Variants in SCD5 observed in about 807,000 individuals in gnomAD.
SCD5 encodes the protein acyl-CoA-desaturase 4.
Under a neutral mutation model 30.4 loss-of-function variants are expected in SCD5, and 20 were observed. That is an observed-to-expected ratio of 0.66 (90% confidence interval 0.46 to 0.96). The LOEUF (loss-of-function observed/expected upper bound fraction) is 0.96, where lower values mean the gene tolerates loss of function less well. Among genes scored for constraint, SCD5 ranks in the 40% least tolerant of loss-of-function variants. The pLI is 0.00. For missense variants in SCD5, 381 were observed against 443.3 expected (o/e 0.86, Z 1.26); for synonymous variants, 173 against 176.4 (o/e 0.98, Z 0.16).
chr4:82,666,596 G>A (rs1225913337), intron 3 of SCD5, among the ~76,000 whole-genome samples: 1 of 152,068 alleles, frequency 6.6e-6, no homozygotes, highest in African/African-American at 2.4e-5. Context: ...AAGAGAACCA[G>A]GAATCGATAA....
chr4:82,733,313 G>C (rs1214752386), intron 1 of SCD5, among the ~76,000 whole-genome samples: 1 of 152,044 alleles, frequency 6.6e-6, no homozygotes, highest in Non-Finnish European at 1.5e-5. Flanking sequence ...AGCTAGCTCT[G>C]GTGCCCTGTT....
chr4:82,730,530 TCATGATCCGCC>T (rs1720614254), intron 1 of SCD5, among the ~76,000 whole-genome samples: 1 of 150,322 alleles, frequency 6.7e-6, no homozygotes, highest in Non-Finnish European at 1.5e-5. Context: ...TCTCCTGACA[TCATGATCCGCC>T]CACCTTGGCC....
chr4:82,746,213 A>C (rs896311496), intron 1 of SCD5, among the ~76,000 whole-genome samples: 13 of 152,224 alleles, frequency 8.5e-5, no homozygotes, highest in African/African-American at 2.9e-4. Context: ...TTCCATTATC[A>C]CTGAATTAGA....
At chr4:82,661,368 C>T (rs1268745592) in intron 3 of SCD5, among the ~76,000 whole-genome samples, 2 of 152,216 alleles carry the variant, frequency 1.3e-5, no homozygotes, top group Admixed American at 1.3e-4. Context: ...AAATTCATTA[C>T]TTACAACAAT....
chr4:82,642,888 C>A (rs1342499903), intron 3 of SCD5, among the ~76,000 whole-genome samples: 3 of 152,224 alleles, frequency 2.0e-5, no homozygotes, highest in African/African-American at 4.8e-5. Flanking sequence ...TCCTTTCTTT[C>A]TGGCTGGAAT....
At chr4:82,659,682 T>G in intron 3 of SCD5, among the ~76,000 whole-genome samples, 1 of 152,216 alleles carries the variant, frequency 6.6e-6, no homozygotes, top group East Asian at 1.9e-4. Context: ...TTGATTGCAC[T>G]GTGGTCTGAA....
chr4:82,659,637 G>A (rs1049187299), intron 3 of SCD5, among the ~76,000 whole-genome samples: 2 of 152,060 alleles, frequency 1.3e-5, no homozygotes, highest in Non-Finnish European at 1.5e-5. Flanking sequence ...GTGGTTGTGC[G>A]GTTTTGAGTG....
At chr4:82,747,430 C>A (rs925985057) in intron 1 of SCD5, among the ~76,000 whole-genome samples, 3 of 152,194 alleles carry the variant, frequency 2.0e-5, no homozygotes, top group Non-Finnish European at 4.4e-5. Flanking sequence ...CCCACTGCTA[C>A]AAAGGTTTTA....
chr4:82,724,277 C>T (rs1367191935), intron 1 of SCD5, among the ~76,000 whole-genome samples: 2 of 152,162 alleles, frequency 1.3e-5, no homozygotes, highest in Non-Finnish European at 2.9e-5. Flanking sequence ...ACCACACAAA[C>T]GTTAGAACCA....
At chr4:82,699,165 T>C (rs577691871) in intron 2 of SCD5, among the ~76,000 whole-genome samples, 3 of 152,104 alleles carry the variant, frequency 2.0e-5, no homozygotes, top group East Asian at 1.9e-4. Flanking sequence ...TATGGAAAAA[T>C]TGCCTTCCAT....
In SCD5 at chr4:82,757,933, C is replaced by T. The variant is rs373638405; in HGVS notation, c.232+40373G>A. Among the ~76,000 whole-genome samples, 6 of 152,174 alleles carry T rather than the reference C, an allele frequency of 3.9e-5. No individual in the cohort carries two copies. In the East Asian group the frequency reaches 5.8e-4, roughly 15 times the overall value. On this transcript the variant is annotated intron_variant, in intron 1 of 4. Transcript: ENST00000319540. The stretch of plus-strand genomic sequence containing the variant: ...GTGCAGAATCCATTAACGGCTACGC[C>T]AAGATTATCTTGAAGATGATGTTCA...
intron 3 of SCD5, among the ~76,000 whole-genome samples, chr4:82,665,459 A>G (rs1184388650): frequency 1.3e-5 from 2 of 152,100 alleles, no homozygotes; most frequent in East Asian, 3.8e-4. Flanking sequence ...GTGACAAAAA[A>G]GGAAACATTA....
At chr4:82,731,038 C>T (rs1350386486) in intron 1 of SCD5, among the ~76,000 whole-genome samples, 3 of 152,190 alleles carry the variant, frequency 2.0e-5, no homozygotes, top group African/African-American at 4.8e-5. Flanking sequence ...AACAACCATT[C>T]GGAAATGTAC....
chr4:82,714,403 C>T (rs1720178142), intron 1 of SCD5, among the ~76,000 whole-genome samples: 1 of 152,156 alleles, frequency 6.6e-6, no homozygotes, highest in Non-Finnish European at 1.5e-5. Context: ...AGTCCCTTTA[C>T]TCATGGGCAG....
At chr4:82,769,395 C>A (rs1208432395) in intron 1 of SCD5, among the ~76,000 whole-genome samples, 1 of 152,094 alleles carries the variant, frequency 6.6e-6, no homozygotes, top group African/African-American at 2.4e-5. Context: ...AGAAATTAGC[C>A]AAGTAGGTAG....
chr4:82,695,966 C>A (rs1719688380), intron 2 of SCD5, among the ~76,000 whole-genome samples: 1 of 152,192 alleles, frequency 6.6e-6, no homozygotes, highest in Non-Finnish European at 1.5e-5. Flanking sequence ...GTCTTTATTG[C>A]ACACAAGTCT....
chr4:82,661,522 T>C lies in SCD5; in HGVS notation c.569+19185A>G, dbSNP rs1174172605. 2.0e-5 allele frequency among the ~76,000 whole-genome samples: 3 copies of C among 152,206 alleles called. No individual in the cohort carries two copies. In the East Asian group the frequency reaches 5.8e-4, roughly 29 times the overall value. On this transcript the variant is annotated intron_variant, in intron 3 of 4. Transcript: ENST00000319540. ...ATTTTTAAAAGGGACTCAGCCTTATTTAATATTTTCAGAAAATTGCTGTCA... is the reference window on the plus strand; with the variant it reads ...ATTTTTAAAAGGGACTCAGCCTTATCTAATATTTTCAGAAAATTGCTGTCA...
chr4:82,738,202 C>T (rs1356904317), intron 1 of SCD5, among the ~76,000 whole-genome samples: 1 of 152,156 alleles, frequency 6.6e-6, no homozygotes, highest in Non-Finnish European at 1.5e-5. Flanking sequence ...GGGCGGATCA[C>T]GAGGTCAAGA....
chr4:82,655,651 T>C (rs1394737425), intron 3 of SCD5, among the ~76,000 whole-genome samples: 3 of 152,056 alleles, frequency 2.0e-5, no homozygotes, highest in African/African-American at 4.8e-5. Flanking sequence ...AAGGAGTGAA[T>C]AGTGATCAAA....
Sources: gnomAD v4.1 joint callset for allele counts (sites outside exome capture counted in the v4.1 genomes callset) on GRCh38, gnomAD v4.1.1 for gene constraint, MANE v1.5 for transcripts, NCBI Gene and HGNC (gene_info 2026-07-23, HGNC 2026-07-21) for gene names.